DZIP3: variants seen among roughly 807,000 people sequenced by gnomAD.
DZIP3 encodes the protein E3 ubiquitin-protein ligase DZIP3.
In DZIP3, 118 loss-of-function variants were observed where a neutral mutation model predicts 162.0. The observed-to-expected ratio is 0.73, with a 90% confidence interval of 0.63 to 0.85. The LOEUF is 0.85. Ranked by LOEUF, DZIP3 falls within the 40% of genes least tolerant of loss-of-function variation. The pLI is 0.00. For missense variants in DZIP3, 1,331 were observed against 1,407.0 expected (o/e 0.95, Z 0.86); for synonymous variants, 438 against 458.6 (o/e 0.96, Z 0.57).
chr3:108,648,292 C>A, intron 16 of DZIP3, 180 bp downstream of exon 16: 1 of 498,688 alleles, frequency 2.0e-6, no homozygotes, highest in Non-Finnish European at 3.3e-6. Flanking sequence ...CATAATCTTT[C>A]CTGCCATAAC....
intron 12 of DZIP3, among the ~76,000 whole-genome samples, chr3:108,641,072 A>T: frequency 6.6e-6 from 1 of 151,106 alleles, no homozygotes; most frequent in East Asian, 1.9e-4. Flanking sequence ...TTGGTTTATT[A>T]GTTTTACCCT....
At chr3:108,679,438 A>G (rs761652298) in intron 26 of DZIP3, among the ~76,000 whole-genome samples, 5 of 152,078 alleles carry the variant, frequency 3.3e-5, no homozygotes, top group Non-Finnish European at 5.9e-5. Context: ...CTGTGTGGTA[A>G]TTTATAAGCA....
intron 26 of DZIP3, among the ~76,000 whole-genome samples, chr3:108,680,920 C>A (rs1944284051): frequency 6.6e-6 from 1 of 152,088 alleles, no homozygotes; most frequent in Admixed American, 6.6e-5. Context: ...AAACTGGAAC[C>A]CTTCCTTACA....
At chr3:108,643,177 C>A (rs1349830235) in intron 13 of DZIP3, among the ~76,000 whole-genome samples, 2 of 152,142 alleles carry the variant, frequency 1.3e-5, no homozygotes, top group African/African-American at 4.8e-5. Flanking sequence ...AATAAGGCTG[C>A]ATTTTGTGAC....
intron 25 of DZIP3, 33 bp downstream of exon 25, chr3:108,675,906 CT>C: frequency 6.3e-7 from 1 of 1,578,710 alleles, no homozygotes; most frequent in Non-Finnish European, 8.7e-7. Context: ...AGAAAATTGG[CT>C]TAATGTTATA....
At chr3:108,687,191 T>C (rs1944530155) in intron 28 of DZIP3, among the ~76,000 whole-genome samples, 1 of 152,052 alleles carries the variant, frequency 6.6e-6, no homozygotes, top group African/African-American at 2.4e-5. Flanking sequence ...ACATTTAATA[T>C]ATATACTGGC....
chr3:108,654,475 A>C (rs1199274782), intron 19 of DZIP3, 165 bp downstream of exon 19: 9 of 721,044 alleles, frequency 1.2e-5, no homozygotes. Context: ...GGAAAATAGA[A>C]TAAGGAAAAA....
chr3:108,644,467 C>T lies in DZIP3; in HGVS notation c.1445C>T (p.Ala482Val), dbSNP rs1430959994. 6.2e-7 allele frequency: 1 copy of T among 1,614,030 alleles called. No individual in the cohort carries two copies. Among genetic ancestry groups the T allele is most frequent in the South Asian group, 1.1e-5 (1 of 91,086 alleles). ...ATAAAACATTTAAATGTGTTCCCTG[C>T]ACCCAAAAAAGGATGGAATATGGAA... ...ALIKHLNVFP[A>V]PKKGWNMEPP... Residue 482 changes from alanine (A) to valine (V), a missense_variant, in exon 14 of 33, where the codon GCA (alanine) becomes GTA (valine). Coordinates refer to ENST00000361582, the MANE Select transcript of DZIP3 (RefSeq NM_014648.4).
chr3:108,687,841 C>G (rs915575789), intron 28 of DZIP3, 135 bp from the exon 29 acceptor site: 1 of 1,149,900 alleles, frequency 8.7e-7, no homozygotes, highest in East Asian at 2.5e-5. Flanking sequence ...TTTTTTAGAT[C>G]AAAGACCTAA....
intron 24 of DZIP3, 125 bp downstream of exon 24, chr3:108,674,306 G>A: frequency 1.5e-6 from 1 of 655,042 alleles, no homozygotes; most frequent in Non-Finnish European, 2.3e-6. Flanking sequence ...AAGCTCTTGT[G>A]GTTTTTTTGG....
chr3:108,631,056 C>CACACACACACACACACACACACACA (rs1385172484), intron 8 of DZIP3, among the ~76,000 whole-genome samples: 1 of 28,996 alleles, frequency 3.4e-5, no homozygotes, highest in Non-Finnish European at 6.7e-5. Context: ...CACACACACA[C>CACACACACACACACACACACACACA]TCTCTCTCTC....
intron 8 of DZIP3, among the ~76,000 whole-genome samples, chr3:108,631,055 A>ACACACACTCTCTCTCT: frequency 8.3e-4 from 15 of 18,014 alleles, no homozygotes; most frequent in African/African-American, 2.2e-3. Context: ...ACACACACAC[A>ACACACACTCTCTCTCT]CTCTCTCTCT....
chr3:108,656,496 G>GTCA (rs1559762369), intron 19 of DZIP3, among the ~76,000 whole-genome samples: 2 of 152,050 alleles, frequency 1.3e-5, no homozygotes, highest in African/African-American at 4.8e-5. Flanking sequence ...CCATCTGTAC[G>GTCA]TCATCATCAT....
chr3:108,686,222 G>C (rs936072902), intron 27 of DZIP3, among the ~76,000 whole-genome samples: 1 of 152,108 alleles, frequency 6.6e-6, no homozygotes, highest in Non-Finnish European at 1.5e-5. Context: ...AACCCTAAAA[G>C]GGATTGTGTA....
At chr3:108,644,820 T>A in intron 14 of DZIP3, 39 bp downstream of exon 14, 1 of 1,560,230 alleles carries the variant, frequency 6.4e-7, no homozygotes, top group Non-Finnish European at 8.7e-7. Context: ...TAAACTTCCA[T>A]TGATTGAATG....
chr3:108,608,994 C>T (rs976204078), intron 3 of DZIP3, among the ~76,000 whole-genome samples: 2 of 152,128 alleles, frequency 1.3e-5, no homozygotes, highest in African/African-American at 4.8e-5. Context: ...GCAAGCACGC[C>T]TTCACGTGGC....
intron 6 of DZIP3, among the ~76,000 whole-genome samples, chr3:108,624,747 G>A (rs1941516922): frequency 6.6e-6 from 1 of 151,648 alleles, no homozygotes; most frequent in Non-Finnish European, 1.5e-5. Flanking sequence ...TTCTAGTATA[G>A]CTTAATCCCT....
chr3:108,632,223 GTTAT>G (rs1174547172), intron 8 of DZIP3, among the ~76,000 whole-genome samples: 1 of 151,918 alleles, frequency 6.6e-6, no homozygotes, highest in Non-Finnish European at 1.5e-5. Context: ...TCATTTATTT[GTTAT>G]TTGTTTTATT....
At chr3:108,631,147 A>C (rs764307187) in intron 8 of DZIP3, among the ~76,000 whole-genome samples, 10 of 134,648 alleles carry the variant, frequency 7.4e-5, no homozygotes, top group Non-Finnish European at 1.4e-4. Flanking sequence ...GTTTCCCTTC[A>C]CTCTCATCCT....
Sources: allele counts gnomAD v4.1 joint callset (sites outside exome capture counted in the v4.1 genomes callset), GRCh38; gene constraint gnomAD v4.1.1; transcripts MANE v1.5; gene names NCBI Gene and HGNC (gene_info 2026-07-23, HGNC 2026-07-21).